MMADHC: variants seen among roughly 807,000 people sequenced by gnomAD.
MMADHC encodes the protein metabolism of cobalamin associated D.
MMADHC carries 23 observed loss-of-function variants against 36.3 expected under a neutral mutation model. That is an observed-to-expected ratio of 0.63 (90% confidence interval 0.46 to 0.90). The LOEUF (loss-of-function observed/expected upper bound fraction) is 0.90. Ranked by LOEUF, MMADHC falls within the 40% of genes least tolerant of loss-of-function variation. The probability of loss-of-function intolerance (pLI) is 0.00; values close to 1 mark genes in which losing one functional copy is unlikely to be tolerated. For synonymous variants in MMADHC, 97 were observed against 116.1 expected (o/e 0.84, Z 1.06); for missense variants, 330 against 348.0 (o/e 0.95, Z 0.41).
At chr2:149,585,481 T>C (rs1400481171) in intron 2 of MMADHC, among the ~76,000 whole-genome samples, 2 of 152,238 alleles carry the variant, frequency 1.3e-5, no homozygotes, top group East Asian at 3.8e-4. Context: ...TTGCAAGATA[T>C]TTGAATTAAA....
At position 149,571,100 on chromosome 2, in the gene MMADHC, T is replaced by C. The variant is rs1376353487; in HGVS notation, c.681A>G (p.Pro227=). Residue 227 remains proline (P), a synonymous_variant, in exon 7 of 8, where the codon CCA becomes CCG. Transcript: ENST00000303319. Reference sequence around the variant, plus strand: ...AATTACTCACTGCCAAACCAGATGATGGGTCAATAAAGTCAGCCCAATAAC... The same window carrying C: ...AATTACTCACTGCCAAACCAGATGACGGGTCAATAAAGTCAGCCCAATAAC... ...AEGYWADFID[P]SSGLAFFGPY... 1 of 1,611,728 alleles carries C rather than the reference T, an allele frequency of 6.2e-7. No homozygotes were observed. The highest frequency in any genetic ancestry group is 1.1e-5 in the South Asian group (1 of 90,982).
intron 2 of MMADHC, among the ~76,000 whole-genome samples, chr2:149,584,468 CAGA>C (rs1478938590): frequency 5.9e-5 from 9 of 152,198 alleles, no homozygotes; most frequent in African/African-American, 1.9e-4. Context: ...AAGCAAAAAA[CAGA>C]AGGAGGAGGA....
intron 1 of MMADHC, chr2:149,587,437 G>A: frequency 2.4e-6 from 1 of 409,118 alleles, no homozygotes; most frequent in Non-Finnish European, 4.5e-6. Flanking sequence ...TCAGTCCAGA[G>A]GATCGAAGCG....
At position 149,578,423 on chromosome 2, in the gene MMADHC, T is replaced by TA. The variant is rs1476411951; in HGVS notation, c.372+1007dup. Reference sequence around the variant, plus strand: ...AAGGAAAAAAAGATTACTTCAGTATTAGACACACAAAATCTGGGGACTTGT... The same window carrying TA: ...AAGGAAAAAAAGATTACTTCAGTATTAAGACACACAAAATCTGGGGACTTGT... On this transcript the variant is annotated intron_variant, in intron 4 of 7. Transcript: ENST00000303319. 2.0e-5 allele frequency among the ~76,000 whole-genome samples: 3 copies of TA among 152,156 alleles called. No individual in the cohort carries two copies. In the East Asian group the frequency reaches 5.8e-4, roughly 29 times the overall value.
At chr2:149,580,595 A>G (rs967923516) in intron 3 of MMADHC, among the ~76,000 whole-genome samples, 2 of 152,228 alleles carry the variant, frequency 1.3e-5, no homozygotes, top group Non-Finnish European at 2.9e-5. Context: ...ACTGCTATGC[A>G]TATTACTTAG....
intron 6 of MMADHC, among the ~76,000 whole-genome samples, chr2:149,574,863 C>A (rs548857188): frequency 2.6e-5 from 4 of 152,142 alleles, no homozygotes; most frequent in Admixed American, 2.0e-4. Context: ...GGCAGTAGCA[C>A]CATCAAGGCT....
rs1478676596 is a variant in MMADHC, at chr2:149,587,143, G to T, written c.-46C>A. ...CGCAAAATAGCTTTCCTTTGGTAAA[G>T]TTATTTCTGGGAAAGAACACAACAA... On this transcript the variant is annotated 5_prime_UTR_variant, in exon 2 of 8. Transcript: ENST00000303319. 1 of 1,595,920 alleles carries T rather than the reference G, an allele frequency of 6.3e-7. No individual in the cohort carries two copies.
chr2:149,579,579 G>A lies in MMADHC; in HGVS notation c.224C>T (p.Pro75Leu), dbSNP rs756998611. The change falls in exon 4 of 8, where the codon CCT becomes CTT. Residue 75 changes from proline (P) to leucine (L), a missense_variant. Transcript: ENST00000303319. ...FGPQDQRFQL[P>L]GNIGFDCHLN... ...GTGACAATCAAAACCTATGTTCCCA[G>A]GAAGCTGGAACCTCTGATCTTGAGG... 3.7e-6 allele frequency: 6 copies of A among 1,613,888 alleles called. No homozygotes were observed. The South Asian group carries it at 4.4e-5, about 12-fold the overall frequency.
At chr2:149,570,488 A>T (rs1480722632) in intron 7 of MMADHC, among the ~76,000 whole-genome samples, 2 of 152,178 alleles carry the variant, frequency 1.3e-5, no homozygotes, top group Non-Finnish European at 2.9e-5. Context: ...CTAAAGCCCA[A>T]GCAAAAGTTT....
chr2:149,577,375 CAAGT>C (rs1465927514), intron 4 of MMADHC, among the ~76,000 whole-genome samples: 1 of 152,008 alleles, frequency 6.6e-6, no homozygotes, highest in Admixed American at 6.5e-5. Context: ...AGAAAAATGG[CAAGT>C]ATGTTGTGGC....
chr2:149,586,805 A>G (rs1682876894), intron 2 of MMADHC: 1 of 439,904 alleles, frequency 2.3e-6, no homozygotes, highest in Admixed American at 4.0e-5. Flanking sequence ...CTAAACATAG[A>G]TTCTAATATT....
At chr2:149,573,631 T>C (rs1420492558) in intron 6 of MMADHC, among the ~76,000 whole-genome samples, 1 of 152,218 alleles carries the variant, frequency 6.6e-6, no homozygotes, top group African/African-American at 2.4e-5. Flanking sequence ...AAACTAACAA[T>C]AACCATTAAG....
chr2:149,587,430 G>A (rs1682890275), intron 1 of MMADHC: 1 of 434,612 alleles, frequency 2.3e-6, no homozygotes, highest in East Asian at 4.2e-5. Flanking sequence ...CCAAAATTCA[G>A]TCCAGAGGAT....
At chr2:149,572,574 G>T (rs1227699129) in intron 6 of MMADHC, among the ~76,000 whole-genome samples, 1 of 152,096 alleles carries the variant, frequency 6.6e-6, no homozygotes, top group Non-Finnish European at 1.5e-5. Flanking sequence ...ACAGGGCAAA[G>T]AACTAGAGCC....
intron 2 of MMADHC, chr2:149,586,759 C>A: frequency 2.5e-5 from 8 of 313,984 alleles, no homozygotes; most frequent in South Asian, 6.6e-5. Flanking sequence ...TTAAAAAAAC[C>A]CTTCAGTTTA....
intron 3 of MMADHC, 150 bp from the exon 4 acceptor site, chr2:149,579,798 G>T: frequency 2.7e-6 from 2 of 745,918 alleles, no homozygotes; most frequent in Non-Finnish European, 4.3e-6. Context: ...GTTTCCTATT[G>T]TTTCCAAAAC....
In MMADHC at chr2:149,582,126, C is replaced by T. The variant is rs1385597423; in HGVS notation, c.154+1G>A. On this transcript the variant is annotated splice_donor_variant, in intron 3 of 7. Coordinates refer to ENST00000303319, the MANE Select transcript of MMADHC (RefSeq NM_015702.3). LOFTEE classifies it high-confidence loss of function. ...GTAAAGCAGTAACAACTTTCACTTA[C>T]ATATATCTGGAGGTGCAGCAGCCAC... 14 of 1,613,758 alleles carry T rather than the reference C, an allele frequency of 8.7e-6. No homozygotes were observed. The highest frequency in any genetic ancestry group is 1.2e-5 in the Non-Finnish European group (14 of 1,179,750).
chr2:149,577,662 A>T (rs918895777), intron 4 of MMADHC, among the ~76,000 whole-genome samples: 1 of 151,838 alleles, frequency 6.6e-6, no homozygotes, highest in African/African-American at 2.4e-5. Flanking sequence ...TGTCTCAAAA[A>T]AAAAGAAAGA....
At chr2:149,577,472 C>G (rs113209971) in intron 4 of MMADHC, among the ~76,000 whole-genome samples, 2,477 of 152,164 alleles carry the variant, frequency 0.016, 78 homozygotes, top group African/African-American at 0.056. Flanking sequence ...ATTTATTCAG[C>G]ATTAAGAAAT....
Sources: gnomAD v4.1 joint callset for allele counts (sites outside exome capture counted in the v4.1 genomes callset) on GRCh38, gnomAD v4.1.1 for gene constraint, MANE v1.5 for transcripts, NCBI Gene and HGNC (gene_info 2026-07-23, HGNC 2026-07-21) for gene names.